DLGAP2: variants seen among roughly 807,000 people sequenced by gnomAD.
The protein encoded by DLGAP2 is DLG associated protein 2.
In DLGAP2, 26 loss-of-function variants were observed where a neutral mutation model predicts 100.3. The ratio of observed to expected loss-of-function variants is 0.26; its 90% CI spans 0.19 to 0.36. The LOEUF (loss-of-function observed/expected upper bound fraction) is 0.36, where lower values mean the gene tolerates loss of function less well. DLGAP2 is among the 10% of genes least tolerant of loss of function. The pLI is 1.00. For synonymous variants in DLGAP2, 886 were observed against 630.1 expected, an observed-to-expected ratio of 1.41 and a Z score of -6.08; for missense variants, 1,858 against 1,453.2, an observed-to-expected ratio of 1.28 and a Z score of -4.53.
rs538143665 is a variant in DLGAP2 at position 1,344,597 on chromosome 8, A to G, written c.106+85714A>G. Among the ~76,000 whole-genome samples, 4 of 152,314 alleles carry G rather than the reference A, an allele frequency of 2.6e-5. No individual in the cohort carries two copies. In the South Asian group the frequency reaches 6.2e-4, roughly 24 times the overall value. On this transcript the variant is annotated intron_variant, in intron 3 of 14. Coordinates refer to ENST00000637795, the MANE Select transcript of DLGAP2 (RefSeq NM_001346810.2). ...AATTCCTATGATAGACTAAGAGTGC[A>G]TGTACCTCTGTGTTCAGGAAAACCC...
chr8:1,193,263 G>A (rs1261795236), intron 2 of DLGAP2, among the ~76,000 whole-genome samples: 1 of 152,138 alleles, frequency 6.6e-6, no homozygotes, highest in East Asian at 1.9e-4. Flanking sequence ...CTTCCACAAT[G>A]GTTGAACCAG....
intron 2 of DLGAP2, among the ~76,000 whole-genome samples, chr8:1,103,387 G>A (rs1053382873): frequency 1.3e-5 from 2 of 152,014 alleles, no homozygotes; most frequent in Admixed American, 1.3e-4. Flanking sequence ...GGTTAACGGT[G>A]ACGACTGGCA....
intron 2 of DLGAP2, among the ~76,000 whole-genome samples, chr8:1,077,947 G>T (rs1481775790): frequency 6.6e-6 from 1 of 152,198 alleles, no homozygotes; most frequent in Admixed American, 6.5e-5. Context: ...CCACTGTCTA[G>T]TGCATAACTC....
intron 1 of DLGAP2, among the ~76,000 whole-genome samples, chr8:864,152 G>C (rs1215528941): frequency 6.6e-6 from 1 of 152,142 alleles, no homozygotes; most frequent in Non-Finnish European, 1.5e-5. Flanking sequence ...GATCTCACAG[G>C]AGCAGAGCGT....
Position 908,097 on chromosome 8 carries a change from G to A in DLGAP2, c.73+131G>A, listed in dbSNP as rs542558757. On this transcript the variant is annotated intron_variant, in intron 2 of 14. Transcript: ENST00000637795. ...TGGGTTGTTTTTAGTGCAAGATTGC[G>A]TATTAACTAACTGTAAGACCTGAAA... is the stretch of plus-strand genomic sequence containing the variant. 6.4e-5 allele frequency: 25 copies of A among 392,286 alleles called. No individual in the cohort carries two copies. In the South Asian group the frequency reaches 2.0e-3, roughly 31 times the overall value. The allele number at this position is 392,286 out of a possible 1,614,324, so 24.3% of individuals were successfully genotyped here. A position where few individuals can be genotyped will look rare whatever the true frequency, so the allele number is the denominator to read the frequency against.
At chr8:1,381,121 C>T (rs145696596) in intron 3 of DLGAP2, 1 of 151,974 alleles carries the variant, frequency 6.6e-6, no homozygotes, top group Non-Finnish European at 1.5e-5. Context: ...AGTTGCTGTT[C>T]GTAACCGACG....
intron 4 of DLGAP2, among the ~76,000 whole-genome samples, chr8:1,539,043 G>A (rs13439635): frequency 2.5e-3 from 377 of 152,006 alleles, no homozygotes; most frequent in Admixed American, 8.0e-3. Flanking sequence ...ACACCACCAC[G>A]CCTGACTAAT....
chr8:1,556,427 G>C lies in DLGAP2; in HGVS notation c.1230+6744G>C, dbSNP rs539284766. 3.9e-5 allele frequency among the ~76,000 whole-genome samples: 6 copies of C among 152,180 alleles called. No homozygotes were observed. The South Asian group carries it at 6.3e-4, about 16-fold the overall frequency. On this transcript the variant is annotated intron_variant, in intron 5 of 14. Coordinates refer to ENST00000637795, the MANE Select transcript of DLGAP2 (RefSeq NM_001346810.2). ...ACCTCTTCCTCCCAGGGCAGCTAAGGGGTCTGCTCCTGTGGGTGTGCAGCT... is the reference window on the plus strand; with the variant it reads ...ACCTCTTCCTCCCAGGGCAGCTAAGCGGTCTGCTCCTGTGGGTGTGCAGCT...
intron 2 of DLGAP2, among the ~76,000 whole-genome samples, chr8:1,155,253 T>G (rs909854060): frequency 1.3e-5 from 2 of 152,090 alleles, no homozygotes; most frequent in African/African-American, 4.8e-5. Context: ...ACTTGTCGCT[T>G]CTTCTTCTTG....
intron 1 of DLGAP2, among the ~76,000 whole-genome samples, chr8:855,131 G>A (rs534666534): frequency 1.1e-4 from 17 of 152,312 alleles, no homozygotes; most frequent in South Asian, 2.1e-4. Flanking sequence ...TGTGTGCAGC[G>A]TCTTCGTGTG....
chr8:1,185,286 C>G (rs1449026179), intron 2 of DLGAP2, among the ~76,000 whole-genome samples: 1 of 152,048 alleles, frequency 6.6e-6, no homozygotes. Flanking sequence ...AACTTCAGGG[C>G]TGTGGTGCAA....
At chr8:1,018,858 C>T (rs1801546684) in intron 2 of DLGAP2, 1 of 152,130 alleles carries the variant, frequency 6.6e-6, no homozygotes. Flanking sequence ...AATCGATTTC[C>T]AGTCGCTCAA....
At chr8:1,225,382 T>A (rs1798393231) in intron 2 of DLGAP2, among the ~76,000 whole-genome samples, 1 of 152,090 alleles carries the variant, frequency 6.6e-6, no homozygotes, top group Admixed American at 6.6e-5. Flanking sequence ...AACTGGTAAA[T>A]CCACAGATAC....
intron 1 of DLGAP2, among the ~76,000 whole-genome samples, chr8:784,046 C>G (rs1821773341): frequency 6.6e-6 from 1 of 152,190 alleles, no homozygotes; most frequent in African/African-American, 2.4e-5. Context: ...TTAATGCAAT[C>G]TAAGTTTTGC....
At chr8:1,591,182 G>C (rs1049424361) in intron 6 of DLGAP2, among the ~76,000 whole-genome samples, 4 of 152,188 alleles carry the variant, frequency 2.6e-5, no homozygotes, top group Non-Finnish European at 4.4e-5. Flanking sequence ...CCTTCAGTCT[G>C]TTTTCCTATT....
intron 1 of DLGAP2, chr8:883,199 C>G (rs1265222761): frequency 6.6e-6 from 1 of 152,294 alleles, no homozygotes; most frequent in Admixed American, 6.5e-5. Context: ...GTACCCACCA[C>G]TGGGCAGACC....
At chr8:1,336,672 C>T (rs1237734401) in intron 3 of DLGAP2, among the ~76,000 whole-genome samples, 10 of 152,182 alleles carry the variant, frequency 6.6e-5, no homozygotes, top group Non-Finnish European at 1.3e-4. Context: ...CCTCAAGGAA[C>T]GTGTCTTGCT....
intron 2 of DLGAP2, among the ~76,000 whole-genome samples, chr8:1,104,172 T>G (rs1417613639): frequency 1.3e-5 from 2 of 152,102 alleles, no homozygotes; most frequent in African/African-American, 4.8e-5. Context: ...GATGGATGAT[T>G]CAGGAGCAAG....
At chr8:1,231,917 G>C (rs1206736978) in intron 2 of DLGAP2, among the ~76,000 whole-genome samples, 1 of 151,924 alleles carries the variant, frequency 6.6e-6, no homozygotes, top group East Asian at 1.9e-4. Context: ...AATAGACCCA[G>C]GTAACAAACC....
Sources: allele counts gnomAD v4.1 joint callset (sites outside exome capture counted in the v4.1 genomes callset), GRCh38; gene constraint gnomAD v4.1.1; transcripts MANE v1.5; gene names NCBI Gene and HGNC (gene_info 2026-07-23, HGNC 2026-07-21).